JHY: variants seen among roughly 807,000 people sequenced by gnomAD.
JHY encodes the protein jhy protein homolog.
Under a neutral mutation model 78.0 loss-of-function variants are expected in JHY, and 69 were observed. The ratio of observed to expected loss-of-function variants is 0.88; its 90% confidence interval spans 0.73 to 1.08. The LOEUF (loss-of-function observed/expected upper bound fraction) is 1.08. Among genes scored for constraint, JHY ranks in the 50% least tolerant of loss-of-function variants. The pLI, the probability that JHY is intolerant of heterozygous loss-of-function variation, is 0.00. For missense variants in JHY, 944 were observed against 927.8 expected (o/e 1.02, Z -0.23); for synonymous variants, 368 against 342.6 (o/e 1.07, Z -0.82).
intron 4 of JHY, among the ~76,000 whole-genome samples, chr11:122,926,263 T>C (rs1863504228): frequency 7.0e-6 from 1 of 143,694 alleles, no homozygotes; most frequent in Admixed American, 6.8e-5. Flanking sequence ...AGCTCAGGTT[T>C]TTCTTGACCC....
intron 4 of JHY, among the ~76,000 whole-genome samples, chr11:122,932,790 A>T (rs557690132): frequency 6.6e-6 from 1 of 152,176 alleles, no homozygotes; most frequent in South Asian, 2.1e-4. Flanking sequence ...GTATTTGCAG[A>T]GCCTTCCTGC....
chr11:122,957,117 T>G (rs577552872), intron 7 of JHY, among the ~76,000 whole-genome samples: 17 of 152,202 alleles, frequency 1.1e-4, no homozygotes, highest in Non-Finnish European at 2.1e-4. Context: ...TGAATGTGAT[T>G]TAGCCCCTGT....
rs1002955364 is a variant in JHY at position 122,963,350 on chromosome 11, C to T, written c.*3905C>T. 6.6e-6 allele frequency among the ~76,000 whole-genome samples: 1 copy of T among 152,180 alleles called. No homozygotes were observed. The highest frequency in any genetic ancestry group is 1.9e-4 in the East Asian group (1 of 5,196). On this transcript the variant is annotated 3_prime_UTR_variant, in exon 9 of 9. Transcript: ENST00000227349. The stretch of plus-strand genomic sequence containing the variant: ...CAAGGCAACTCTTTACTATCCAGTA[C>T]ATAAGACTCTAGAACATTAAAATTC...
At chr11:122,884,811 A>AT (rs1426090570) in intron 1 of JHY, among the ~76,000 whole-genome samples, 1 of 151,554 alleles carries the variant, frequency 6.6e-6, no homozygotes, top group African/African-American at 2.4e-5. Flanking sequence ...AGTTTTATTT[A>AT]TTTTTTCTGA....
At chr11:122,951,553 A>G (rs1355886403) in intron 6 of JHY, among the ~76,000 whole-genome samples, 1 of 152,152 alleles carries the variant, frequency 6.6e-6, no homozygotes, top group African/African-American at 2.4e-5. Flanking sequence ...ACTTTCTCAC[A>G]CTTACACATC....
intron 2 of JHY, among the ~76,000 whole-genome samples, chr11:122,889,023 C>T (rs1056494506): frequency 6.6e-6 from 1 of 152,124 alleles, no homozygotes; most frequent in Non-Finnish European, 1.5e-5. Context: ...GTATAAATCT[C>T]CAGGAGTGGA....
At position 122,963,354 on chromosome 11, in the gene JHY, A is replaced by G. The variant is rs1443241157; in HGVS notation, c.*3909A>G. 6.6e-6 allele frequency among the ~76,000 whole-genome samples: 1 copy of G among 152,222 alleles called. No homozygotes were observed. The highest frequency in any genetic ancestry group is 1.5e-5 in the Non-Finnish European group (1 of 68,026). On this transcript the variant is annotated 3_prime_UTR_variant, in exon 9 of 9. Coordinates refer to ENST00000227349, the MANE Select transcript of JHY (RefSeq NM_024806.4). ...GCAACTCTTTACTATCCAGTACATA[A>G]GACTCTAGAACATTAAAATTCTTTA...
rs1191992879 is a variant in JHY at position 122,963,571 on chromosome 11, G to A, written c.*4126G>A. On this transcript the variant is annotated 3_prime_UTR_variant, in exon 9 of 9. Coordinates refer to ENST00000227349, the MANE Select transcript of JHY (RefSeq NM_024806.4). ...AAGGGGAGAGATTTTGCAAAAACAG[G>A]GAGTGACAGACACGTTTTTTGCTCC... 6.6e-6 allele frequency among the ~76,000 whole-genome samples: 1 copy of A among 152,068 alleles called. No individual in the cohort carries two copies. The highest frequency in any genetic ancestry group is 2.4e-5 in the African/African-American group (1 of 41,436).
At chr11:122,941,865 GTTTATTTA>G (rs970491656) in intron 5 of JHY, among the ~76,000 whole-genome samples, 3 of 151,876 alleles carry the variant, frequency 2.0e-5, no homozygotes, top group Non-Finnish European at 2.9e-5. Context: ...GTTTGTTTTA[GTTTATTTA>G]TTTATTTATT....
At chr11:122,950,286 G>T (rs368876929) in intron 6 of JHY, among the ~76,000 whole-genome samples, 1 of 152,150 alleles carries the variant, frequency 6.6e-6, no homozygotes, top group Non-Finnish European at 1.5e-5. Context: ...GACATCATCC[G>T]TATTATTTCT....
Position 122,957,602 on chromosome 11 carries a change from C to G in JHY, c.2139+111C>G, listed in dbSNP as rs569853626. The G allele has an allele frequency of 5.1e-5, 58 of 1,130,646 alleles. No homozygotes were observed. The African/African-American group carries it at 9.5e-4, about 19-fold the overall frequency. The allele number at this position is 1,130,646 out of a possible 1,614,324, so 70.0% of individuals were successfully genotyped here. On this transcript the variant is annotated intron_variant, in intron 8 of 8. Coordinates refer to ENST00000227349, the MANE Select transcript of JHY (RefSeq NM_024806.4). Reference sequence around the variant, plus strand: ...TAGCCACAGAGTCTTGCCGTCTTGCCCAGGATGGTCATAAACTCCTGGGCT... The same window carrying G: ...TAGCCACAGAGTCTTGCCGTCTTGCGCAGGATGGTCATAAACTCCTGGGCT...
At chr11:122,945,076 C>G (rs1232300297) in intron 5 of JHY, among the ~76,000 whole-genome samples, 1 of 152,136 alleles carries the variant, frequency 6.6e-6, no homozygotes, top group Non-Finnish European at 1.5e-5. Flanking sequence ...TTATGTCTCT[C>G]AAATTTACTC....
In JHY at chr11:122,959,681, G is replaced by A; in HGVS notation, c.*236G>A. On this transcript the variant is annotated 3_prime_UTR_variant, in exon 9 of 9. Transcript: ENST00000227349. ...TATTTTCAAATCAGTTAGAATTGGA[G>A]CTGAATAATAACTAGAGAATAAAGC... 2 of 465,288 alleles carry A rather than the reference G, an allele frequency of 4.3e-6. No homozygotes were observed. Among genetic ancestry groups the A allele is most frequent in the South Asian group, 2.8e-5 (1 of 35,308 alleles). 28.8% of individuals were successfully genotyped at this position (465,288 alleles called of 1,614,324 possible).
At chr11:122,895,331 A>T (rs1862715969) in intron 2 of JHY, among the ~76,000 whole-genome samples, 1 of 152,254 alleles carries the variant, frequency 6.6e-6, no homozygotes, top group African/African-American at 2.4e-5. Flanking sequence ...AATAAATAAC[A>T]GCTAAATGCT....
intron 4 of JHY, among the ~76,000 whole-genome samples, chr11:122,934,109 T>G (rs1036159788): frequency 6.6e-6 from 1 of 152,032 alleles, no homozygotes; most frequent in Non-Finnish European, 1.5e-5. Context: ...TCCCTGAAAT[T>G]AGGAAAAAAA....
At chr11:122,907,314 A>G (rs999350307) in intron 3 of JHY, among the ~76,000 whole-genome samples, 6 of 151,722 alleles carry the variant, frequency 4.0e-5, no homozygotes, top group African/African-American at 7.3e-5. Context: ...GATACAGATT[A>G]TATGTTCCCT....
intron 1 of JHY, among the ~76,000 whole-genome samples, chr11:122,884,217 C>T (rs1294548270): frequency 2.6e-5 from 4 of 152,174 alleles, no homozygotes; most frequent in Non-Finnish European, 5.9e-5. Context: ...TACATATGAA[C>T]GTTCCCTTTT....
chr11:122,888,110 A>G (rs1465303152), intron 2 of JHY, among the ~76,000 whole-genome samples: 2 of 152,004 alleles, frequency 1.3e-5, no homozygotes, highest in Non-Finnish European at 2.9e-5. Flanking sequence ...TCTTAGTGAT[A>G]TGTCACAGTA....
At chr11:122,895,226 G>T (rs1862714082) in intron 2 of JHY, among the ~76,000 whole-genome samples, 1 of 151,978 alleles carries the variant, frequency 6.6e-6, no homozygotes, top group South Asian at 2.1e-4. Flanking sequence ...ATATAAATTG[G>T]GAATAATTAT....
Sources: allele counts gnomAD v4.1 joint callset (sites outside exome capture counted in the v4.1 genomes callset), GRCh38; gene constraint gnomAD v4.1.1; transcripts MANE v1.5; gene names NCBI Gene and HGNC (gene_info 2026-07-23, HGNC 2026-07-21).